MIP: variants seen among roughly 807,000 people sequenced by gnomAD.
The protein encoded by MIP is major intrinsic protein of lens fiber, also known as lens fiber major intrinsic protein.
A neutral mutation model predicts 21.8 loss-of-function variants in MIP; 14 were observed. That is an observed-to-expected ratio of 0.64 (90% CI 0.42 to 1.00). The LOEUF (loss-of-function observed/expected upper bound fraction) is 1.00, where lower values mean the gene tolerates loss of function less well. Ranked by LOEUF, MIP falls within the 50% of genes least tolerant of loss-of-function variation. The probability of loss-of-function intolerance (pLI) is 0.00; values close to 1 mark genes in which losing one functional copy is unlikely to be tolerated. For missense variants in MIP, 260 were observed against 333.5 expected (o/e 0.78, Z 1.72); for synonymous variants, 133 against 141.4 (o/e 0.94, Z 0.42).
At position 56,454,440 on chromosome 12, in the gene MIP, AG is replaced by A; in HGVS notation, c.173del (p.Ser58LeufsTer59). On this transcript the variant is annotated frameshift_variant, in exon 1 of 4. Transcript: ENST00000652304. LOFTEE classifies it high-confidence loss of function. Reference protein sequence around the residue: ...FGLALATLVQSVGHISGAHVN... With the variant: ...FGLALATLVQXVGHISGAHVN... Reference sequence around the variant, plus strand: ...CGTGGGCTCCACTGATGTGGCCCACAGACTGCACCAGTGTAGCCAGGGCCAA... The same window carrying A: ...CGTGGGCTCCACTGATGTGGCCCACAACTGCACCAGTGTAGCCAGGGCCAA... The A allele has an allele frequency of 1.9e-6, 3 of 1,614,162 alleles. No homozygotes were observed. Among genetic ancestry groups the A allele is most frequent in the Non-Finnish European group, 2.5e-6 (3 of 1,180,006 alleles).
chr12:56,451,131 G>GAAAAAA lies in MIP; in HGVS notation c.*143_*148dup. 1.8e-6 allele frequency: 1 copy of GAAAAAA among 563,368 alleles called. No individual in the cohort carries two copies. Among genetic ancestry groups the GAAAAAA allele is most frequent in the Non-Finnish European group, 3.0e-6 (1 of 332,610 alleles). 34.9% of individuals were successfully genotyped at this position (563,368 alleles called of 1,614,324 possible). On this transcript the variant is annotated 3_prime_UTR_variant, in exon 4 of 4. Transcript: ENST00000652304. Reference sequence around the variant, plus strand: ...CTTGAAAGATTTCACACAGCAAAAGGAAAAAAAAAAAAAAAACAACCACAT... The same window carrying GAAAAAA: ...CTTGAAAGATTTCACACAGCAAAAGGAAAAAAAAAAAAAAAAAAAAAACAACCACAT...
chr12:56,451,527 T>G, intron 3 of MIP, 62 bp from the exon 4 acceptor site: 1 of 1,404,250 alleles, frequency 7.1e-7, no homozygotes. Flanking sequence ...ACGCTGCTCT[T>G]TTTCCAGCCA....
At chr12:56,455,892 G>T (rs921877529), upstream of MIP, among the ~76,000 whole-genome samples, 1 of 152,184 alleles carries the variant, frequency 6.6e-6, no homozygotes, top group African/African-American at 2.4e-5. Flanking sequence ...CACCTGTGGG[G>T]AGAGAGAAGG....
At position 56,454,527 on chromosome 12, in the gene MIP, C is replaced by T. The variant is rs1868735320; in HGVS notation, c.87G>A (p.Gly29=). 17 of 1,613,344 alleles carry T rather than the reference C, an allele frequency of 1.1e-5. No individual in the cohort carries two copies. In the East Asian group the frequency reaches 3.6e-4, roughly 34 times the overall value. ...GTCCAGGAGCCCAGCGCAGTGAGGA[C>T]CCCAGCCCAAAGAAGACATAGAAGA... ...ATLFYVFFGL[G]SSLRWAPGPL... Residue 29 remains glycine, a synonymous_variant, in exon 1 of 4, where the codon GGG becomes GGA. Transcript: ENST00000652304.
intron 1 of MIP, 100 bp downstream of exon 1, chr12:56,454,154 C>A: frequency 6.6e-7 from 1 of 1,525,852 alleles, no homozygotes; most frequent in South Asian, 1.2e-5. Context: ...ACATATTGTC[C>A]CAGACCCCAG....
chr12:56,451,654 T>C (rs1868623660), intron 3 of MIP, among the ~76,000 whole-genome samples, 189 bp from the exon 4 acceptor site: 1 of 152,242 alleles, frequency 6.6e-6, no homozygotes, highest in Non-Finnish European at 1.5e-5. Flanking sequence ...ATTCTATTTG[T>C]TATCAATTTG....
rs1001940981 is a variant in MIP at position 56,454,600 on chromosome 12, C to G, written c.14G>C (p.Arg5Pro). The change falls in exon 1 of 4, where the codon CGA becomes CCA. Residue 5 changes from arginine (R) to proline (P), a missense_variant. By Grantham distance (103) the Arg-to-Pro change is moderately radical. Transcript: ENST00000652304. ...TATGGCCCTCCAAAAGGAGGCTGAT[C>G]GCAGTTCCCACATGGCAGGGGGGAT... MWELRSASFWRAIFA... is the reference protein window; with the variant it reads MWELPSASFWRAIFA... The G allele has an allele frequency of 6.2e-7, 1 of 1,614,034 alleles. No individual in the cohort carries two copies. Among genetic ancestry groups the G allele is most frequent in the Non-Finnish European group, 8.5e-7 (1 of 1,179,996 alleles).
chr12:56,453,095 T>G lies in MIP; in HGVS notation c.583A>C (p.Thr195Pro), dbSNP rs1478261570. The G allele has an allele frequency of 1.9e-6, 3 of 1,612,928 alleles. No individual in the cohort carries two copies. The highest frequency in any genetic ancestry group is 1.6e-4 in the Middle Eastern group (1 of 6,062). Residue 195 changes from threonine (T) to proline (P), a missense_variant, in exon 3 of 4, where the codon ACT becomes CCT. Transcript: ENST00000652304. ...PARSFAPAIL[T>P]GNFTNHWVYW... ...ACCCAGTGGTTAGTGAAGTTCCCAG[T>G]GAGAATGGCAGGAGCAAAGGAGCGG...
rs1868588379 is a variant in MIP, at chr12:56,451,073, G to A, written c.*207C>T. The A allele has an allele frequency of 1.7e-6, 1 of 576,180 alleles. No individual in the cohort carries two copies. The highest frequency in any genetic ancestry group is 1.9e-5 in the African/African-American group (1 of 52,946). The allele number at this position is 576,180 out of a possible 1,614,324, so 35.7% of individuals were successfully genotyped here. A position where few individuals can be genotyped will look rare whatever the true frequency, so the allele number is the denominator to read the frequency against. Reference sequence around the variant, plus strand: ...CGAAGGGTGGTGGGATGGGGAGGAAGGGAAGTTTGCACCAACCAGCTCATG... The same window carrying A: ...CGAAGGGTGGTGGGATGGGGAGGAAAGGAAGTTTGCACCAACCAGCTCATG... On this transcript the variant is annotated 3_prime_UTR_variant, in exon 4 of 4. Transcript: ENST00000652304.
upstream of MIP, among the ~76,000 whole-genome samples, chr12:56,454,854 T>A (rs1284928568): frequency 3.3e-5 from 5 of 151,592 alleles, no homozygotes; most frequent in Non-Finnish European, 7.4e-5. Context: ...GCAGTGAGGG[T>A]GGGATTGGGG....
At chr12:56,452,948 C>T in intron 3 of MIP, 124 bp downstream of exon 3, 1 of 768,040 alleles carries the variant, frequency 1.3e-6, no homozygotes, top group Admixed American at 1.8e-5. Flanking sequence ...TCTGACAGCC[C>T]CCTTAGCTGA....
chr12:56,454,189 C>G, intron 1 of MIP, 65 bp downstream of exon 1: 1 of 1,609,048 alleles, frequency 6.2e-7, no homozygotes, highest in Non-Finnish European at 8.5e-7. Flanking sequence ...CTGCACCAGT[C>G]AGGGAGTCAG....
In MIP at chr12:56,451,229, C is replaced by A. The variant is rs1451752651; in HGVS notation, c.*51G>T. 2 of 1,563,112 alleles carry A rather than the reference C, an allele frequency of 1.3e-6. No individual in the cohort carries two copies. The highest frequency in any genetic ancestry group is 2.7e-5 in the African/African-American group (2 of 73,786). ...TTCTTCATCTAGGGGCTGGCTAAAC[C>A]CCTCCACGTAAACTCAGAAGCTTTC... On this transcript the variant is annotated 3_prime_UTR_variant, in exon 4 of 4. Transcript: ENST00000652304.
chr12:56,454,765 C>T, upstream of MIP: 3 of 826,652 alleles, frequency 3.6e-6, no homozygotes, highest in Non-Finnish European at 5.6e-6. Flanking sequence ...CTGTGGAGGG[C>T]TAAGTCCCCT....
chr12:56,450,951 G>A lies in MIP; in HGVS notation c.*329C>T, dbSNP rs1868582946. 2.8e-6 allele frequency: 1 copy of A among 351,374 alleles called. No individual in the cohort carries two copies. The highest frequency in any genetic ancestry group is 7.1e-5 in the East Asian group (1 of 14,024). 21.8% of individuals were successfully genotyped at this position (351,374 alleles called of 1,614,324 possible). A position where few individuals can be genotyped will look rare whatever the true frequency, so the allele number is the denominator to read the frequency against. ...TCACCATACTGGGTCGAGGAAGGGAGGTATAGGATGGCACCTCTTTTTGCT... is the reference window on the plus strand; with the variant it reads ...TCACCATACTGGGTCGAGGAAGGGAAGTATAGGATGGCACCTCTTTTTGCT... On this transcript the variant is annotated 3_prime_UTR_variant, in exon 4 of 4. Transcript: ENST00000652304.
chr12:56,455,091 G>A (rs954354688), upstream of MIP, among the ~76,000 whole-genome samples: 2 of 152,238 alleles, frequency 1.3e-5, no homozygotes, highest in African/African-American at 2.4e-5. Flanking sequence ...GGTAAGGGTT[G>A]GGGGGAGTGG....
upstream of MIP, among the ~76,000 whole-genome samples, chr12:56,455,580 G>A (rs530997907): frequency 6.6e-6 from 1 of 152,298 alleles, no homozygotes; most frequent in East Asian, 1.9e-4. Flanking sequence ...CCAGGGAAAG[G>A]TATGGGTGTG....
upstream of MIP, among the ~76,000 whole-genome samples, chr12:56,455,711 C>T (rs549724591): frequency 4.6e-5 from 7 of 151,952 alleles, no homozygotes; most frequent in Non-Finnish European, 7.4e-5. Flanking sequence ...GGGACCTAGG[C>T]GTGGGGTTGT....
At chr12:56,453,825 C>A in intron 1 of MIP, 70 bp from the exon 2 acceptor site, 4 of 1,497,264 alleles carry the variant, frequency 2.7e-6, no homozygotes, top group South Asian at 2.4e-5. Context: ...AAGACTTCCC[C>A]GGCAAGGATC....
Sources: gnomAD v4.1 joint callset for allele counts (sites outside exome capture counted in the v4.1 genomes callset) on GRCh38, gnomAD v4.1.1 for gene constraint, MANE v1.5 for transcripts, NCBI Gene and HGNC (gene_info 2026-07-23, HGNC 2026-07-21) for gene names.